Variants in KIF17 observed in about 807,000 individuals in gnomAD.
KIF17 encodes kinesin-like protein KIF17.
In KIF17, 80 loss-of-function variants were observed where a neutral mutation model predicts 96.8. The ratio of observed to expected loss-of-function variants is 0.83; its 90% CI spans 0.69 to 1.00. The LOEUF (loss-of-function observed/expected upper bound fraction) is 1.00. KIF17 is among the 50% of genes least tolerant of loss of function. KIF17 has a pLI of 0.00. For missense variants in KIF17, 1,280 were observed against 1,372.9 expected (o/e 0.93, Z 1.07); for synonymous variants, 567 against 587.5 (o/e 0.97, Z 0.51).
intron 4 of KIF17, among the ~76,000 whole-genome samples, chr1:20,708,431 C>T (rs116484882): frequency 0.016 from 2,444 of 152,302 alleles, 69 homozygotes; most frequent in African/African-American, 0.056. Context: ...GTAGCTGGGA[C>T]TACAGGCATG....
rs35595233 is a variant in KIF17 at position 20,672,080 on chromosome 1, G to A, written c.2580C>T (p.Leu860=). 12,722 of 1,614,130 alleles carry A rather than the reference G, an allele frequency of 7.9e-3. 414 individuals are homozygous for A. The highest frequency in any genetic ancestry group is 0.074 in the African/African-American group (5,533 of 75,000). The stretch of plus-strand genomic sequence containing the variant: ...GAATCAGGGGCTGCACCTGCTCCAG[G>A]AGCTGCTGCAAGAGCATGGAGTCAC... ...QERDSMLLQQ[L]LEQVQPLIRR... is the part of the protein sequence containing the mutation. Residue 860 remains leucine (L), a synonymous_variant, in exon 12 of 15, where the codon CTC becomes CTT. Transcript: ENST00000400463. The surrounding 1 kb of genome is among the most constrained non-coding windows in gnomAD (Gnocchi z 4.3).
chr1:20,686,034 G>A lies in KIF17; in HGVS notation c.2019+12C>T. Reference sequence around the variant, plus strand: ...CCCCGTCCCCCACATGGAGGCCCGGGGAGGTACTCACAGGCCTGGGCGGGA... The same window carrying A: ...CCCCGTCCCCCACATGGAGGCCCGGAGAGGTACTCACAGGCCTGGGCGGGA... On this transcript the variant is annotated intron_variant, in intron 9 of 14. Coordinates refer to ENST00000400463, the MANE Select transcript of KIF17 (RefSeq NM_001122819.3). 6.4e-7 allele frequency: 1 copy of A among 1,551,682 alleles called. No individual in the cohort carries two copies. The highest frequency in any genetic ancestry group is 8.7e-7 in the Non-Finnish European group (1 of 1,146,428).
rs2154536885 is a variant in KIF17 at position 20,699,251 on chromosome 1, A to G, written c.1124-763T>C. The stretch of plus-strand genomic sequence containing the variant: ...GGGGTGAGCTGCCTTGCCCGGCCCA[A>G]GTTGCCATTTAAATAGTGTGTTAGG... On this transcript the variant is annotated intron_variant, in intron 5 of 14. Transcript: ENST00000400463. The surrounding 1 kb of genome is among the most constrained non-coding windows in gnomAD (Gnocchi z 4.3). Among the ~76,000 whole-genome samples the G allele has an allele frequency of 6.6e-6, 1 of 152,232 alleles. No individual in the cohort carries two copies. The highest frequency in any genetic ancestry group is 1.9e-4 in the East Asian group (1 of 5,188).
chr1:20,677,440 C>T (rs547397872), intron 11 of KIF17, among the ~76,000 whole-genome samples: 1 of 152,292 alleles, frequency 6.6e-6, no homozygotes, highest in East Asian at 1.9e-4. Flanking sequence ...TATGCACAGG[C>T]TGTTTACTAC....
At chr1:20,698,516 AG>A in intron 5 of KIF17, 28 bp from the exon 6 acceptor site, 1 of 1,456,688 alleles carries the variant, frequency 6.9e-7, no homozygotes, top group Non-Finnish European at 9.6e-7. Flanking sequence ...ATTAGCAGCC[AG>A]GATGAGGGGC....
At position 20,685,203 on chromosome 1, in the gene KIF17, C is replaced by G. The variant is rs1195185139; in HGVS notation, c.2020-183G>C. ...TGTTGAGTTCTTACTGCCGCTATTC[C>G]CACTGACACCCCCACGCTAGGAGGA... On this transcript the variant is annotated intron_variant, in intron 9 of 14. Transcript: ENST00000400463. This position sits in a 1 kb window ranked among gnomAD's most constrained non-coding sequence, Gnocchi z 4.1. 4.3e-6 allele frequency: 3 copies of G among 705,410 alleles called. No individual in the cohort carries two copies. In the Admixed American group the frequency reaches 6.0e-5, roughly 14 times the overall value. 43.7% of individuals were successfully genotyped at this position (705,410 alleles called of 1,614,324 possible).
chr1:20,698,850 G>A (rs1030942841), intron 5 of KIF17, among the ~76,000 whole-genome samples: 3 of 152,184 alleles, frequency 2.0e-5, no homozygotes, highest in African/African-American at 7.2e-5. Context: ...AAATAAATAA[G>A]CAAAATGGGT....
intron 6 of KIF17, 25 bp downstream of exon 6, chr1:20,698,354 A>G (rs778066758): frequency 1.9e-6 from 3 of 1,563,266 alleles, no homozygotes; most frequent in Non-Finnish European, 1.8e-6. Context: ...TCCCTTCTCC[A>G]TGTTCCCACC....
chr1:20,707,787 A>ATGTGTGTGTGTGTGTGTGTG lies in KIF17; in HGVS notation c.670+1832_670+1851dup, dbSNP rs3077930. Among the ~76,000 whole-genome samples, 226 of 124,550 alleles carry ATGTGTGTGTGTGTGTGTGTG rather than the reference A, an allele frequency of 1.8e-3. 2 individuals carry two copies. Among genetic ancestry groups the ATGTGTGTGTGTGTGTGTGTG allele is most frequent in the African/African-American group, 6.0e-3 (183 of 30,526 alleles). 81.7% of individuals were successfully genotyped at this position (124,550 alleles called of 152,430 possible). A position where few individuals can be genotyped will look rare whatever the true frequency, so the allele number is the denominator to read the frequency against. On this transcript the variant is annotated intron_variant, in intron 4 of 14. Transcript: ENST00000400463. ...CAAAAAAAAAAACAAACCAATGTGTATGTGTGTGTGTGTGTGTGTGTGTGT... is the reference window on the plus strand; with the variant it reads ...CAAAAAAAAAAACAAACCAATGTGTATGTGTGTGTGTGTGTGTGTGTGTGTGTGTGTGTGTGTGTGTGTGT...
chr1:20,695,148 A>G (rs2054113695), intron 6 of KIF17, among the ~76,000 whole-genome samples: 3 of 91,750 alleles, frequency 3.3e-5, no homozygotes, highest in African/African-American at 1.4e-4. Flanking sequence ...GCACACACAC[A>G]TGCATGTGCA....
intron 14 of KIF17, among the ~76,000 whole-genome samples, chr1:20,665,093 G>A (rs1277644618): frequency 1.3e-5 from 2 of 151,764 alleles, no homozygotes; most frequent in Non-Finnish European, 2.9e-5. Flanking sequence ...AAGCTGCTTC[G>A]TCTCTGAGCC....
intron 4 of KIF17, among the ~76,000 whole-genome samples, chr1:20,708,824 T>C (rs1308546999): frequency 2.0e-5 from 3 of 152,094 alleles, no homozygotes; most frequent in Non-Finnish European, 4.4e-5. Flanking sequence ...CAAATAAACA[T>C]GGATTTCTTT....
In KIF17 at chr1:20,694,480, A is replaced by C. The variant is rs866651140; in HGVS notation, c.1233+3899T>G. On this transcript the variant is annotated intron_variant, in intron 6 of 14. Coordinates refer to ENST00000400463, the MANE Select transcript of KIF17 (RefSeq NM_001122819.3). ...AGAAGGGCAAGGCATTTATGAATTA[A>C]AGATAGTCTGGGATCCTTTGTCTCC... is the stretch of plus-strand genomic sequence containing the variant. 5.9e-5 allele frequency among the ~76,000 whole-genome samples: 9 copies of C among 152,298 alleles called. 1 individual carries two copies. In the South Asian group the frequency reaches 1.7e-3, roughly 28 times the overall value.
Position 20,670,412 on chromosome 1 carries a change from G to C in KIF17, c.2790+9C>G. The C allele has an allele frequency of 6.2e-7, 1 of 1,613,274 alleles. No individual in the cohort carries two copies. Among genetic ancestry groups the C allele is most frequent in the Non-Finnish European group, 8.5e-7 (1 of 1,179,840 alleles). ...CCCGACACCCCACTCCCTCTCCCGC[G>C]GTCCTCACCATGTTCGGCTCGCCAT... On this transcript the variant is annotated intron_variant, in intron 13 of 14. Coordinates refer to ENST00000400463, the MANE Select transcript of KIF17 (RefSeq NM_001122819.3).
At chr1:20,683,151 C>T (rs2053863048) in intron 10 of KIF17, among the ~76,000 whole-genome samples, 1 of 152,222 alleles carries the variant, frequency 6.6e-6, no homozygotes, top group Admixed American at 6.5e-5. Flanking sequence ...CACCCCTGAC[C>T]CGTGGACTTC....
chr1:20,670,726 C>A (rs976748482), intron 12 of KIF17, among the ~76,000 whole-genome samples: 1 of 152,074 alleles, frequency 6.6e-6, no homozygotes, highest in Non-Finnish European at 1.5e-5. Context: ...AGACAGCAGG[C>A]GAGGGTGGGG....
chr1:20,692,455 T>C (rs960667832), intron 6 of KIF17, among the ~76,000 whole-genome samples: 1 of 151,828 alleles, frequency 6.6e-6, no homozygotes, highest in Non-Finnish European at 1.5e-5. Flanking sequence ...ATTCTCCTGA[T>C]TCTCCTGCCT....
intron 11 of KIF17, among the ~76,000 whole-genome samples, chr1:20,679,311 A>T (rs2053790038): frequency 1.3e-5 from 2 of 151,906 alleles, no homozygotes; most frequent in Admixed American, 6.6e-5. Context: ...CCGCTACAAA[A>T]AATAATAATA....
chr1:20,687,419 G>T lies in KIF17; in HGVS notation c.1907C>A (p.Pro636His), dbSNP rs777941088. 5 of 1,613,704 alleles carry T rather than the reference G, an allele frequency of 3.1e-6. No homozygotes were observed. Among genetic ancestry groups the T allele is most frequent in the African/African-American group, 1.3e-5 (1 of 75,034 alleles). Reference sequence around the variant, plus strand: ...AGGGACCTTGGGGACGTCTGCCTGGGGTGCATCTGTCCTGGCCACGGTGGA... The same window carrying T: ...AGGGACCTTGGGGACGTCTGCCTGGTGTGCATCTGTCCTGGCCACGGTGGA... ...LSSTVARTDA[P>H]QADVPKVPVQ... is the part of the protein sequence containing the mutation. The change falls in exon 8 of 15, where the codon CCC becomes CAC. Residue 636 changes from proline to histidine, a missense_variant. Transcript: ENST00000400463. This position sits in a 1 kb window ranked among gnomAD's most constrained non-coding sequence, Gnocchi z 4.4.
Sources: gnomAD v4.1 joint callset for allele counts (sites outside exome capture counted in the v4.1 genomes callset) on GRCh38, gnomAD v4.1.1 for gene constraint, Gnocchi (gnomAD v3.1) non-coding constraint, MANE v1.5 for transcripts, NCBI Gene and HGNC (gene_info 2026-07-23, HGNC 2026-07-21) for gene names.